The following DENND10 variants were observed in gnomAD, a reference collection of about 807,000 sequenced individuals.
The protein encoded by DENND10 is DENN domain-containing protein 10.
Under a neutral mutation model 43.6 loss-of-function variants are expected in DENND10, and 24 were observed. The observed-to-expected ratio is 0.55, with a 90% confidence interval of 0.40 to 0.77. DENND10 has a LOEUF of 0.77. DENND10 is among the 30% of genes least tolerant of loss of function. The pLI is 0.00. For synonymous variants in DENND10, 125 were observed against 157.6 expected (o/e 0.79, Z 1.55); for missense variants, 303 against 429.9 (o/e 0.70, Z 2.61).
At chr10:119,104,933 T>G (rs1314341134) in intron 1 of DENND10, 1 of 152,402 alleles carries the variant, frequency 6.6e-6, no homozygotes, top group Non-Finnish European at 1.5e-5. Flanking sequence ...AGTGGAGAGC[T>G]CCTGCATCAT....
intron 6 of DENND10, 187 bp from the exon 7 acceptor site, chr10:119,129,328 G>A (rs558245968): frequency 1.1e-4 from 66 of 582,978 alleles, no homozygotes; most frequent in African/African-American, 8.2e-4. Context: ...AATATCTGGC[G>A]TTGTGTGAAT....
chr10:119,132,627 T>G lies in DENND10; in HGVS notation c.897+18T>G. On this transcript the variant is annotated intron_variant, in intron 8 of 8. Transcript: ENST00000361432. The surrounding 1 kb of genome is among the most constrained non-coding windows in gnomAD (Gnocchi z 4.2). ...TTATACAGGTAACTCCCTCACCTTC[T>G]GACTTACTGAAAGTCCTGACCCGGT... 1 of 1,596,100 alleles carries G rather than the reference T, an allele frequency of 6.3e-7. No individual in the cohort carries two copies. The highest frequency in any genetic ancestry group is 8.6e-7 in the Non-Finnish European group (1 of 1,163,412).
chr10:119,107,297 CAA>C (rs78265277), intron 1 of DENND10, among the ~76,000 whole-genome samples: 102 of 130,932 alleles, frequency 7.8e-4, no homozygotes, highest in Admixed American at 7.5e-4. Context: ...GACTCCGCCT[CAA>C]AAAAAAAAAA....
intron 6 of DENND10, among the ~76,000 whole-genome samples, chr10:119,125,411 A>G (rs1292918449): frequency 6.6e-6 from 1 of 151,758 alleles, no homozygotes; most frequent in Non-Finnish European, 1.5e-5. Context: ...ACAATGTATA[A>G]TGATTACATC....
At chr10:119,117,840 G>A (rs1040006048) in intron 4 of DENND10, among the ~76,000 whole-genome samples, 173 bp downstream of exon 4, 3 of 151,876 alleles carry the variant, frequency 2.0e-5, no homozygotes, top group South Asian at 2.1e-4. Flanking sequence ...GGTGGCACCC[G>A]CCTGTGATCC....
chr10:119,125,709 G>GT (rs1249800324), intron 6 of DENND10, among the ~76,000 whole-genome samples: 19 of 151,398 alleles, frequency 1.3e-4, no homozygotes, highest in African/African-American at 3.4e-4. Flanking sequence ...TAGAGATGGG[G>GT]TTTTACCATG....
intron 3 of DENND10, among the ~76,000 whole-genome samples, chr10:119,115,971 C>T (rs937816889): frequency 2.0e-5 from 3 of 152,004 alleles, no homozygotes; most frequent in Non-Finnish European, 2.9e-5. Flanking sequence ...ACCGTGTTGC[C>T]CGGGCTGGTC....
At chr10:119,122,634 C>G (rs755735595) in intron 5 of DENND10, among the ~76,000 whole-genome samples, 1 of 152,126 alleles carries the variant, frequency 6.6e-6, no homozygotes. Flanking sequence ...AGCAGGGCAC[C>G]AGGGGTTCAT....
intron 8 of DENND10, among the ~76,000 whole-genome samples, chr10:119,135,338 G>A (rs1846277894): frequency 6.6e-6 from 1 of 152,138 alleles, no homozygotes; most frequent in Non-Finnish European, 1.5e-5. Context: ...ACTCACAGTA[G>A]CCAAAACGTG....
intron 6 of DENND10, 53 bp downstream of exon 6, chr10:119,123,622 TTC>T: frequency 1.7e-6 from 2 of 1,204,418 alleles, no homozygotes; most frequent in East Asian, 2.5e-5. Flanking sequence ...TTTTTTTTTT[TTC>T]CTGAGACGGA....
rs1427883834 is a variant in DENND10 at position 119,122,149 on chromosome 10, A to C, written c.594-1320A>C. On this transcript the variant is annotated intron_variant, in intron 5 of 8. Transcript: ENST00000361432. ...CAGCAAAACCCCATCTCTATAAAAA[A>C]ATACAAAAATTAGCCAGGCATGGTG... Among the ~76,000 whole-genome samples the C allele has an allele frequency of 3.1e-4, 47 of 152,112 alleles. 2 individuals carry two copies. The highest frequency in any genetic ancestry group is 3.1e-3 in the Admixed American group (47 of 15,264).
At chr10:119,126,304 T>G (rs916143177) in intron 6 of DENND10, among the ~76,000 whole-genome samples, 1 of 152,180 alleles carries the variant, frequency 6.6e-6, no homozygotes, top group Non-Finnish European at 1.5e-5. Context: ...TTTCCTTTTT[T>G]GGGGGTAAAT....
At chr10:119,115,382 A>ATTTTTTTTTTTTTTT (rs397845392) in intron 3 of DENND10, among the ~76,000 whole-genome samples, 880 of 48,358 alleles carry the variant, frequency 0.018, 163 homozygotes, top group South Asian at 0.031. Context: ...TGAATTGGTA[A>ATTTTTTTTTTTTTTT]TTTTTTTTTT....
chr10:119,119,835 TAG>T (rs1276507832), intron 4 of DENND10, among the ~76,000 whole-genome samples: 1 of 151,990 alleles, frequency 6.6e-6, no homozygotes, highest in Non-Finnish European at 1.5e-5. Context: ...CATCCCATCA[TAG>T]AGTCCCTTGC....
intron 5 of DENND10, among the ~76,000 whole-genome samples, chr10:119,121,629 A>G (rs1845584967): frequency 6.6e-6 from 1 of 151,022 alleles, no homozygotes; most frequent in Non-Finnish European, 1.5e-5. Context: ...TAATTTTTGT[A>G]TTTTTAGTAG....
rs564652385 is a variant in DENND10, at chr10:119,107,752, T to C, written c.56-216T>C. ...CTGAATTTTCATTCATGGTTTGTTA[T>C]AAAAACTTTTTACTCAGGTGGCCTG... On this transcript the variant is annotated intron_variant, in intron 1 of 8. Transcript: ENST00000361432. Among the ~76,000 whole-genome samples the C allele has an allele frequency of 2.0e-5, 3 of 152,314 alleles. No homozygotes were observed. In the South Asian group the frequency reaches 6.2e-4, roughly 32 times the overall value.
chr10:119,119,875 G>A (rs1269993351), intron 4 of DENND10, among the ~76,000 whole-genome samples: 2 of 152,020 alleles, frequency 1.3e-5, no homozygotes, highest in African/African-American at 4.8e-5. Flanking sequence ...CTGGGAAGCT[G>A]ACATAGGATA....
At chr10:119,120,475 A>G in intron 5 of DENND10, 23 bp downstream of exon 5, 3 of 1,470,412 alleles carry the variant, frequency 2.0e-6, no homozygotes, top group Non-Finnish European at 2.9e-6. Flanking sequence ...ATTATAAAAA[A>G]GTGTTAACTT....
intron 6 of DENND10, among the ~76,000 whole-genome samples, chr10:119,124,675 C>T (rs907510897): frequency 3.9e-5 from 6 of 152,264 alleles, no homozygotes; most frequent in African/African-American, 1.4e-4. Context: ...TCAGCTGCTA[C>T]GCACAGCTAC....
Sources: gnomAD v4.1 joint callset for allele counts (sites outside exome capture counted in the v4.1 genomes callset) on GRCh38, gnomAD v4.1.1 for gene constraint, Gnocchi (gnomAD v3.1) non-coding constraint, MANE v1.5 for transcripts, NCBI Gene and HGNC (gene_info 2026-07-23, HGNC 2026-07-21) for gene names.